CPNE2: variants seen among roughly 807,000 people sequenced by gnomAD.
CPNE2 encodes the protein copine-2.
A neutral mutation model predicts 69.7 loss-of-function variants in CPNE2; 42 were observed. The observed-to-expected ratio is 0.60, with a 90% CI of 0.47 to 0.78. The LOEUF is 0.78. Among genes scored for constraint, CPNE2 ranks in the 30% least tolerant of loss-of-function variants. The pLI is 0.00. For missense variants in CPNE2, 587 were observed against 732.0 expected (o/e 0.80, Z 2.29); for synonymous variants, 294 against 289.8 (o/e 1.01, Z -0.15).
rs181678153 is a variant in CPNE2, at chr16:57,128,378, C to T, written c.1116+475C>T. On this transcript the variant is annotated intron_variant, in intron 12 of 15. Coordinates refer to ENST00000290776, the MANE Select transcript of CPNE2 (RefSeq NM_152727.6). ...CCGAGTAGCTGGGATTACAGGTGCC[C>T]ACCACCACCCCGCAGCTAACTTTTG... Among the ~76,000 whole-genome samples the T allele has an allele frequency of 1.4e-3, 209 of 152,002 alleles. 1 individual carries two copies. The highest frequency in any genetic ancestry group is 4.8e-3 in the African/African-American group (201 of 41,448).
Position 57,100,014 on chromosome 16 carries a change from C to T in CPNE2, c.-36+7224C>T, listed in dbSNP as rs538301158. On this transcript the variant is annotated intron_variant, in intron 1 of 15. Transcript: ENST00000290776. ...GGTCTTGATCTCTTGACCTTGTGAT[C>T]CACCTGCCTCGGCCTCTCAAAGTGC... Among the ~76,000 whole-genome samples the T allele has an allele frequency of 5.9e-5, 9 of 152,210 alleles. 1 individual carries two copies. In the South Asian group the frequency reaches 1.7e-3, roughly 28 times the overall value.
Position 57,134,833 on chromosome 16 carries a change from G to A in CPNE2, c.1168+7G>A. 1.2e-6 allele frequency: 2 copies of A among 1,613,708 alleles called. No individual in the cohort carries two copies. The highest frequency in any genetic ancestry group is 1.3e-5 in the African/African-American group (1 of 75,014). On this transcript the variant is annotated splice_region_variant and intron_variant, in intron 13 of 15. Coordinates refer to ENST00000290776, the MANE Select transcript of CPNE2 (RefSeq NM_152727.6). ...ACCAACCCCTTCTGCTCAGGTGAGT[G>A]TCAGACCCACCTGCAGCTGCCCTGT...
At chr16:57,105,626 C>T (rs779215197) in intron 1 of CPNE2, among the ~76,000 whole-genome samples, 18 of 152,082 alleles carry the variant, frequency 1.2e-4, no homozygotes, top group African/African-American at 3.9e-4. Context: ...TGCATAGCCC[C>T]GGGGTGCTCA....
In CPNE2 at chr16:57,111,708, A is replaced by AT. The variant is rs544919279; in HGVS notation, c.180+794dup. Among the ~76,000 whole-genome samples, 6 of 151,806 alleles carry AT rather than the reference A, an allele frequency of 4.0e-5. No homozygotes were observed. The South Asian group carries it at 8.3e-4, about 21-fold the overall frequency. ...CTCCTCATCTGTGAAATTATTATAT[A>AT]TTTTTTTTCTGCTGACTCCCTTGGA... On this transcript the variant is annotated intron_variant, in intron 2 of 15. Coordinates refer to ENST00000290776, the MANE Select transcript of CPNE2 (RefSeq NM_152727.6).
chr16:57,098,214 G>A (rs2069590425), intron 1 of CPNE2, among the ~76,000 whole-genome samples: 1 of 152,230 alleles, frequency 6.6e-6, no homozygotes, highest in African/African-American at 2.4e-5. Context: ...TCCCCAGGGG[G>A]GCCTCAGGGC....
At chr16:57,106,364 G>A (rs576343722) in intron 1 of CPNE2, among the ~76,000 whole-genome samples, 2 of 152,226 alleles carry the variant, frequency 1.3e-5, no homozygotes, top group Non-Finnish European at 2.9e-5. Flanking sequence ...TCAGGCTGGA[G>A]GGAGGGAAAG....
At chr16:57,101,694 T>C (rs2069614810) in intron 1 of CPNE2, among the ~76,000 whole-genome samples, 1 of 152,178 alleles carries the variant, frequency 6.6e-6, no homozygotes, top group Admixed American at 6.5e-5. Flanking sequence ...TCTCAAAGTG[T>C]GGTTCCAGGG....
At chr16:57,139,610 C>A (rs757317458) in intron 14 of CPNE2, among the ~76,000 whole-genome samples, 1 of 152,278 alleles carries the variant, frequency 6.6e-6, no homozygotes, top group East Asian at 1.9e-4. Flanking sequence ...CAGGAATGAA[C>A]AAGGACAGTT....
At chr16:57,122,278 G>A (rs1182800197) in intron 9 of CPNE2, among the ~76,000 whole-genome samples, 2 of 152,246 alleles carry the variant, frequency 1.3e-5, no homozygotes, top group Non-Finnish European at 2.9e-5. Flanking sequence ...AGAACATTAA[G>A]GAAGGCAGCC....
chr16:57,107,361 G>C (rs2069654356), intron 1 of CPNE2, among the ~76,000 whole-genome samples: 1 of 152,208 alleles, frequency 6.6e-6, no homozygotes, highest in South Asian at 2.1e-4. Context: ...CAGCTTCATC[G>C]TTGTCCAGAT....
In CPNE2 at chr16:57,146,547, A is replaced by G; in HGVS notation, c.1539+226A>G. The stretch of plus-strand genomic sequence containing the variant: ...ACTTGCTTCCACAAACTGATGGAAC[A>G]TGGAGCCGTGGGCATCTAGCCTGAG... On this transcript the variant is annotated intron_variant, in intron 15 of 15. Coordinates refer to ENST00000290776, the MANE Select transcript of CPNE2 (RefSeq NM_152727.6). This position sits in a 1 kb window ranked among gnomAD's most constrained non-coding sequence, Gnocchi z 4.4. 1.8e-6 allele frequency: 1 copy of G among 544,556 alleles called. No individual in the cohort carries two copies. Among genetic ancestry groups the G allele is most frequent in the East Asian group, 3.2e-5 (1 of 30,944 alleles). The allele number at this position is 544,556 out of a possible 1,614,324, so 33.7% of individuals were successfully genotyped here.
chr16:57,117,030 C>G (rs1295944606), intron 4 of CPNE2, among the ~76,000 whole-genome samples: 4 of 152,148 alleles, frequency 2.6e-5, no homozygotes. Context: ...CCAATGTGAA[C>G]TGATGGGACT....
chr16:57,104,683 G>A (rs1288669521), intron 1 of CPNE2, among the ~76,000 whole-genome samples: 2 of 152,236 alleles, frequency 1.3e-5, no homozygotes, highest in Non-Finnish European at 2.9e-5. Flanking sequence ...TACATAGACA[G>A]ATATGTAAAA....
intron 14 of CPNE2, chr16:57,145,820 G>C (rs1470142531): frequency 3.2e-5 from 16 of 504,084 alleles, no homozygotes; most frequent in Middle Eastern, 5.4e-4. Context: ...AGGCCCCAAG[G>C]GGGAGTCTAA....
At chr16:57,121,426 G>A (rs771634983) in intron 8 of CPNE2, among the ~76,000 whole-genome samples, 1 of 152,212 alleles carries the variant, frequency 6.6e-6, no homozygotes, top group Admixed American at 6.5e-5. Flanking sequence ...GCAGTCAGGA[G>A]CTATCCATTT....
At chr16:57,116,391 T>A (rs1188331582) in intron 4 of CPNE2, among the ~76,000 whole-genome samples, 1 of 152,084 alleles carries the variant, frequency 6.6e-6, no homozygotes, top group Non-Finnish European at 1.5e-5. Flanking sequence ...AACTGGCCCA[T>A]CTAAATGCCT....
chr16:57,114,598 C>G (rs2069704194), intron 3 of CPNE2, among the ~76,000 whole-genome samples: 1 of 152,086 alleles, frequency 6.6e-6, no homozygotes, highest in South Asian at 2.1e-4. Context: ...CCCACAGGAG[C>G]AGGACTAGAT....
chr16:57,123,830 AACC>A (rs1363731873), intron 10 of CPNE2: 3 of 335,916 alleles, frequency 8.9e-6, no homozygotes, highest in Non-Finnish European at 1.1e-5. Flanking sequence ...ACTGGGCTCT[AACC>A]ACACTCTTCC....
intron 1 of CPNE2, among the ~76,000 whole-genome samples, chr16:57,102,183 C>T (rs1013836023): frequency 5.3e-5 from 8 of 152,094 alleles, no homozygotes; most frequent in African/African-American, 1.7e-4. Flanking sequence ...AATTCCTGAG[C>T]TCGAGATCCA....
Sources: gnomAD v4.1 joint callset for allele counts (sites outside exome capture counted in the v4.1 genomes callset) on GRCh38, gnomAD v4.1.1 for gene constraint, Gnocchi (gnomAD v3.1) non-coding constraint, MANE v1.5 for transcripts, NCBI Gene and HGNC (gene_info 2026-07-23, HGNC 2026-07-21) for gene names.